TTC7B: variants seen among roughly 807,000 people sequenced by gnomAD.
The protein encoded by TTC7B is tetratricopeptide repeat protein 7B.
Under a neutral mutation model 106.8 loss-of-function variants are expected in TTC7B, and 28 were observed. That is an observed-to-expected ratio of 0.26 (90% CI 0.19 to 0.36). The LOEUF (loss-of-function observed/expected upper bound fraction) is 0.36, where lower values mean the gene tolerates loss of function less well. TTC7B is among the 10% of genes least tolerant of loss of function. The pLI is 1.00. For missense variants in TTC7B, 862 were observed against 1,076.4 expected, an observed-to-expected ratio of 0.80 and a Z score of 2.79; for synonymous variants, 405 against 430.6, an observed-to-expected ratio of 0.94 and a Z score of 0.74.
chr14:90,816,360 C>T lies in TTC7B; in HGVS notation c.-65G>A, dbSNP rs942292311. 7 of 854,912 alleles carry T rather than the reference C, an allele frequency of 8.2e-6. No individual in the cohort carries two copies. The highest frequency in any genetic ancestry group is 5.1e-5 in the South Asian group (1 of 19,500). 53.0% of individuals were successfully genotyped at this position (854,912 alleles called of 1,614,324 possible). On this transcript the variant is annotated 5_prime_UTR_variant, in exon 1 of 20. Transcript: ENST00000328459. ...CACCGCCGCCGCCGCGGCGCCCCCT[C>T]GCCGCCTCCCGCCGCCGCCGCGGGC...
chr14:90,618,079 G>A (rs111490922), intron 15 of TTC7B, 34 bp from the exon 16 acceptor site: 29 of 1,510,738 alleles, frequency 1.9e-5, no homozygotes, highest in Non-Finnish European at 2.5e-5. Flanking sequence ...AAAACACCAC[G>A]GCTCAAGCCA....
At chr14:90,581,459 A>G (rs1891487654) in intron 18 of TTC7B, among the ~76,000 whole-genome samples, 1 of 151,974 alleles carries the variant, frequency 6.6e-6, no homozygotes, top group Non-Finnish European at 1.5e-5. Context: ...AATTCCCTCA[A>G]CGCCCTCACC....
chr14:90,689,711 G>A lies in TTC7B; in HGVS notation c.779C>T (p.Thr260Ile), dbSNP rs1482222427. Reference sequence around the variant, plus strand: ...GATCTCTGCCAGCTGCCTGGCTATTGTCTGGGAACATAAACGAGGAAAAGC... The same window carrying A: ...GATCTCTGCCAGCTGCCTGGCTATTATCTGGGAACATAAACGAGGAAAAGC... ...ETRTTQNLRM[T>I]IARQLAEILL... The change falls in exon 7 of 20, where the codon ACA becomes ATA. Residue 260 changes from threonine to isoleucine, a missense_variant and splice_region_variant. Physicochemically the swap from Thr to Ile is moderately conservative, Grantham distance 89 (BLOSUM62 -1). Transcript: ENST00000328459. 12 of 1,613,662 alleles carry A rather than the reference G, an allele frequency of 7.4e-6. No individual in the cohort carries two copies. Among genetic ancestry groups the A allele is most frequent in the Non-Finnish European group, 9.3e-6 (11 of 1,179,838 alleles).
intron 15 of TTC7B, among the ~76,000 whole-genome samples, chr14:90,628,841 A>C (rs757817706): frequency 2.0e-5 from 3 of 152,222 alleles, no homozygotes; most frequent in Non-Finnish European, 4.4e-5. Flanking sequence ...TTGGTTTCGC[A>C]TGGCTTGATT....
chr14:90,578,193 C>T lies in TTC7B; in HGVS notation c.2223G>A (p.Glu741=). Residue 741 remains glutamate, a synonymous_variant, in exon 19 of 20, where the codon GAG becomes GAA. Coordinates refer to ENST00000328459, the MANE Select transcript of TTC7B (RefSeq NM_001010854.2). The surrounding 1 kb of genome is among the most constrained non-coding windows in gnomAD (Gnocchi z 4.7). The stretch of plus-strand genomic sequence containing the variant: ...GCGCCTCGTCCATGCTTCCCCGGAG[C>T]TCAGCAATCTGGCCGCGCATGTAGA... ...NVLYMRGQIA[E]LRGSMDEARR... 3 of 1,614,164 alleles carry T rather than the reference C, an allele frequency of 1.9e-6. No individual in the cohort carries two copies. Among genetic ancestry groups the T allele is most frequent in the Non-Finnish European group, 2.5e-6 (3 of 1,180,034 alleles).
At chr14:90,604,469 T>C (rs1892558426) in intron 17 of TTC7B, among the ~76,000 whole-genome samples, 1 of 152,246 alleles carries the variant, frequency 6.6e-6, no homozygotes, top group Admixed American at 6.5e-5. Context: ...GGATGGTTTA[T>C]TTTGAATGGT....
intron 4 of TTC7B, among the ~76,000 whole-genome samples, chr14:90,741,267 A>G (rs1889751344): frequency 6.6e-6 from 1 of 152,194 alleles, no homozygotes; most frequent in Admixed American, 6.5e-5. Context: ...CCACTACTAG[A>G]GAAACTCAGA....
chr14:90,646,508 G>T (rs1362802272), intron 14 of TTC7B, among the ~76,000 whole-genome samples: 1 of 152,174 alleles, frequency 6.6e-6, no homozygotes, highest in Non-Finnish European at 1.5e-5. Context: ...TTTTGTCTCT[G>T]CCTGCTGGCA....
intron 1 of TTC7B, among the ~76,000 whole-genome samples, chr14:90,811,166 T>C (rs148540677): frequency 6.6e-6 from 1 of 152,324 alleles, no homozygotes; most frequent in African/African-American, 2.4e-5. Context: ...ATGAGTCTTC[T>C]GAATCCAAAA....
chr14:90,542,421 G>T (rs1054866322), intron 19 of TTC7B, among the ~76,000 whole-genome samples: 5 of 152,044 alleles, frequency 3.3e-5, no homozygotes, highest in Non-Finnish European at 5.9e-5. Context: ...TGTACCCGTG[G>T]GTCCCACCTA....
intron 7 of TTC7B, among the ~76,000 whole-genome samples, chr14:90,685,867 A>C (rs1056804168): frequency 1.3e-5 from 2 of 152,136 alleles, no homozygotes; most frequent in African/African-American, 4.8e-5. Flanking sequence ...AACAAAAAAA[A>C]CTTCCTACAA....
rs759864227 is a variant in TTC7B at position 90,593,614 on chromosome 14, G to A, written c.1979C>T (p.Ala660Val). 5 of 1,606,218 alleles carry A rather than the reference G, an allele frequency of 3.1e-6. No individual in the cohort carries two copies. Among genetic ancestry groups the A allele is most frequent in the Non-Finnish European group, 4.3e-6 (5 of 1,175,328 alleles). ...CACTCTTGAGGCTGCTACCGATGTGGCATGGACGGAGCCTGTGAGAGGTTT... is the reference window on the plus strand; with the variant it reads ...CACTCTTGAGGCTGCTACCGATGTGACATGGACGGAGCCTGTGAGAGGTTT... ...FSDPETGSVH[A>V]TSVAASRVEQ... Residue 660 changes from alanine to valine, a missense_variant, in exon 18 of 20, where the codon GCC becomes GTC. Ala to Val is a moderately conservative substitution (Grantham distance 64). Coordinates refer to ENST00000328459, the MANE Select transcript of TTC7B (RefSeq NM_001010854.2).
intron 4 of TTC7B, among the ~76,000 whole-genome samples, chr14:90,731,561 G>C (rs748792504): frequency 2.0e-5 from 3 of 152,146 alleles, no homozygotes; most frequent in African/African-American, 7.2e-5. Flanking sequence ...CATGTGAACC[G>C]GATCCCAGCA....
At chr14:90,685,069 A>T (rs1169198188) in intron 7 of TTC7B, among the ~76,000 whole-genome samples, 3 of 152,164 alleles carry the variant, frequency 2.0e-5, no homozygotes, top group African/African-American at 7.2e-5. Flanking sequence ...TTTCACGTTC[A>T]GGTCTCTTTG....
chr14:90,541,683 G>C (rs1889599244), intron 19 of TTC7B, 94 bp from the exon 20 acceptor site: 2 of 1,026,714 alleles, frequency 1.9e-6, no homozygotes, highest in Admixed American at 3.1e-5. Context: ...CAGTTCCTCG[G>C]AGCCGGGAAT....
At chr14:90,583,537 C>T (rs921793867) in intron 18 of TTC7B, among the ~76,000 whole-genome samples, 1 of 152,188 alleles carries the variant, frequency 6.6e-6, no homozygotes, top group African/African-American at 2.4e-5. Flanking sequence ...ACCAAAGGAA[C>T]AGCAGCACAG....
intron 1 of TTC7B, among the ~76,000 whole-genome samples, chr14:90,813,964 G>C (rs1040170301): frequency 2.0e-5 from 3 of 152,170 alleles, no homozygotes; most frequent in African/African-American, 7.2e-5. Context: ...TTCTAGTTTA[G>C]TTTCATCTTT....
chr14:90,691,230 T>C lies in TTC7B; in HGVS notation c.778-1518A>G, dbSNP rs150335293. Among the ~76,000 whole-genome samples, 495 of 152,314 alleles carry C rather than the reference T, an allele frequency of 3.2e-3. 7 individuals carry two copies. Among genetic ancestry groups the C allele is most frequent in the African/African-American group, 0.011 (462 of 41,566 alleles). On this transcript the variant is annotated intron_variant, in intron 6 of 19. Transcript: ENST00000328459. ...TTTCATTTTCTGAATACATTTGCCA[T>C]GGAGGGATTTTAAAGTTGTAAAAAT...
chr14:90,537,283 C>G lies in TTC7B; in HGVS notation c.*4085G>C, dbSNP rs1409564313. 4 of 152,096 alleles carry G rather than the reference C, an allele frequency of 2.6e-5. No individual in the cohort carries two copies. The highest frequency in any genetic ancestry group is 4.4e-5 in the Non-Finnish European group (3 of 68,082). The allele number at this position is 152,096 out of a possible 1,614,324, so 9.4% of individuals were successfully genotyped here. On this transcript the variant is annotated 3_prime_UTR_variant, in exon 20 of 20. Coordinates refer to ENST00000328459, the MANE Select transcript of TTC7B (RefSeq NM_001010854.2). The stretch of plus-strand genomic sequence containing the variant: ...CTCACTGCAGCCTCAACCACCTGGG[C>G]TCAAGCAATCAGCCCATCTCAGCCT...
Sources: allele counts gnomAD v4.1 joint callset (sites outside exome capture counted in the v4.1 genomes callset), GRCh38; gene constraint gnomAD v4.1.1; non-coding constraint Gnocchi (gnomAD v3.1); transcripts MANE v1.5; gene names NCBI Gene and HGNC (gene_info 2026-07-23, HGNC 2026-07-21).